Variants in PSAT1 observed in about 807,000 individuals in gnomAD.
The protein encoded by PSAT1 is phosphoserine aminotransferase 1.
PSAT1 carries 41 observed loss-of-function variants against 40.3 expected under a neutral mutation model. That is an observed-to-expected ratio of 1.02 (90% CI 0.79 to 1.32). The LOEUF is 1.32. PSAT1 is among the 40% of genes most tolerant of loss of function. The pLI, the probability that PSAT1 is intolerant of heterozygous loss-of-function variation, is 0.00. For missense variants in PSAT1, 406 were observed against 455.8 expected (o/e 0.89, Z 0.99); for synonymous variants, 147 against 170.5 (o/e 0.86, Z 1.07).
At chr9:78,301,766 A>G (rs1828110587) in intron 2 of PSAT1, among the ~76,000 whole-genome samples, 188 bp from the exon 3 acceptor site, 2 of 152,252 alleles carry the variant, frequency 1.3e-5, no homozygotes, top group Non-Finnish European at 2.9e-5. Flanking sequence ...CTATAAAGCT[A>G]AAATGTTTGC....
chr9:78,305,273 C>T (rs1175736099), intron 4 of PSAT1, among the ~76,000 whole-genome samples: 1 of 152,174 alleles, frequency 6.6e-6, no homozygotes, highest in African/African-American at 2.4e-5. Flanking sequence ...GGCCACCACG[C>T]CTGGCTAATT....
intron 1 of PSAT1, among the ~76,000 whole-genome samples, chr9:78,298,093 C>A (rs1267151398): frequency 6.6e-6 from 1 of 152,042 alleles, no homozygotes; most frequent in East Asian, 1.9e-4. Context: ...TGAATTCTCT[C>A]CCGGGCCACA....
rs533821815 is a variant in PSAT1, at chr9:78,307,340, A to C, written c.570+854A>C. Among the ~76,000 whole-genome samples the C allele has an allele frequency of 2.0e-5, 3 of 152,318 alleles. No homozygotes were observed. The South Asian group carries it at 6.2e-4, about 32-fold the overall frequency. Reference sequence around the variant, plus strand: ...TATTGCACTTAGCAGAATGTCTTCAAGGTTCTATTGCACTTAGCAGAATGT... The same window carrying C: ...TATTGCACTTAGCAGAATGTCTTCACGGTTCTATTGCACTTAGCAGAATGT... On this transcript the variant is annotated intron_variant, in intron 5 of 8. Transcript: ENST00000376588.
intron 6 of PSAT1, among the ~76,000 whole-genome samples, chr9:78,311,834 CA>C (rs1180902471): frequency 4.2e-4 from 64 of 150,892 alleles, no homozygotes; most frequent in Non-Finnish European, 5.3e-4. Flanking sequence ...TGTCTGAAAA[CA>C]AAAACAAAAA....
In PSAT1 at chr9:78,297,159, C is replaced by A. The variant is rs1828036747; in HGVS notation, c.-52C>A. ...CACCGCAGCGGCCAGGAACGCCAGC[C>A]GTTCACGCGTTCGGTCCTCCTTGGC... On this transcript the variant is annotated 5_prime_UTR_variant, in exon 1 of 9. Coordinates refer to ENST00000376588, the MANE Select transcript of PSAT1 (RefSeq NM_058179.4). The A allele has an allele frequency of 6.5e-7, 1 of 1,541,088 alleles. No homozygotes were observed. The highest frequency in any genetic ancestry group is 1.4e-5 in the African/African-American group (1 of 73,524).
chr9:78,308,216 G>A lies in PSAT1; in HGVS notation c.571-198G>A, dbSNP rs866409756. On this transcript the variant is annotated intron_variant, in intron 5 of 8. Coordinates refer to ENST00000376588, the MANE Select transcript of PSAT1 (RefSeq NM_058179.4). Reference sequence around the variant, plus strand: ...CCATCCAGGTGAGGACCAGGCTGACGGATCATCCTCAGGCTTTGGAACTCT... The same window carrying A: ...CCATCCAGGTGAGGACCAGGCTGACAGATCATCCTCAGGCTTTGGAACTCT... Among the ~76,000 whole-genome samples the A allele has an allele frequency of 1.1e-4, 17 of 152,226 alleles. 2 individuals are homozygous for A. In the South Asian group the frequency reaches 1.9e-3, roughly 17 times the overall value.
intron 7 of PSAT1, among the ~76,000 whole-genome samples, chr9:78,322,349 C>A (rs1828440134): frequency 6.6e-6 from 1 of 151,998 alleles, no homozygotes. Flanking sequence ...GTCATCACAA[C>A]CCTGTGAAGT....
At chr9:78,310,232 C>T (rs551088677) in intron 6 of PSAT1, among the ~76,000 whole-genome samples, 4 of 152,260 alleles carry the variant, frequency 2.6e-5, no homozygotes, top group Admixed American at 6.5e-5. Context: ...GATCATGATT[C>T]CCATTTTGCA....
chr9:78,299,271 G>C (rs944515), intron 1 of PSAT1, among the ~76,000 whole-genome samples: 103,577 of 150,012 alleles, frequency 0.69, 35,649 homozygotes, highest in Admixed American at 0.73. Context: ...CTTTAAAACT[G>C]TTTGTAATTA....
At position 78,302,037 on chromosome 9, in the gene PSAT1, A is replaced by T; in HGVS notation, c.191+14A>T. The T allele has an allele frequency of 6.3e-7, 1 of 1,575,572 alleles. No individual in the cohort carries two copies. The highest frequency in any genetic ancestry group is 2.2e-5 in the East Asian group (1 of 44,614). On this transcript the variant is annotated intron_variant, in intron 3 of 8. Coordinates refer to ENST00000376588, the MANE Select transcript of PSAT1 (RefSeq NM_058179.4). ...GCGGGAATTGCTGTAAGTTTTAAAA[A>T]GACCAAATCATGTTACTTTTGTTAG...
At chr9:78,327,060 A>G (rs1392019325) in intron 7 of PSAT1, among the ~76,000 whole-genome samples, 2 of 148,880 alleles carry the variant, frequency 1.3e-5, no homozygotes, top group African/African-American at 2.5e-5. Flanking sequence ...AGTTCAAGCA[A>G]TTCTCCTGCC....
chr9:78,310,789 G>T (rs924079169), intron 6 of PSAT1, among the ~76,000 whole-genome samples: 3 of 152,092 alleles, frequency 2.0e-5, no homozygotes, highest in Non-Finnish European at 4.4e-5. Context: ...CGTATTTTTA[G>T]TAGAGACGGG....
chr9:78,322,853 T>G (rs1417394356), intron 7 of PSAT1, among the ~76,000 whole-genome samples: 1 of 152,166 alleles, frequency 6.6e-6, no homozygotes, highest in African/African-American at 2.4e-5. Flanking sequence ...TTCATCTGCA[T>G]ACATTAAAAG....
rs1406396943 is a variant in PSAT1, at chr9:78,317,789, C to A, written c.854C>A (p.Ser285Tyr). The part of the protein sequence containing the change: ...SQTIYEIIDN[S>Y]QGFYVCPVEP... Reference sequence around the variant, plus strand: ...ACAATTTATGAGATTATTGATAATTCTCAAGGATTCTACGTGTAAGTCAAT... The same window carrying A: ...ACAATTTATGAGATTATTGATAATTATCAAGGATTCTACGTGTAAGTCAAT... Residue 285 changes from serine to tyrosine, a missense_variant, in exon 7 of 9, where the codon TCT (serine) becomes TAT (tyrosine). Transcript: ENST00000376588. 6.2e-7 allele frequency: 1 copy of A among 1,612,862 alleles called. No homozygotes were observed. Among genetic ancestry groups the A allele is most frequent in the South Asian group, 1.1e-5 (1 of 91,014 alleles).
intron 1 of PSAT1, among the ~76,000 whole-genome samples, chr9:78,297,612 G>A (rs1828045679): frequency 6.6e-6 from 1 of 152,220 alleles, no homozygotes; most frequent in Non-Finnish European, 1.5e-5. Context: ...CGGTCCGGGG[G>A]CTGGGGCGGG....
chr9:78,300,210 C>A (rs572291560), intron 1 of PSAT1, among the ~76,000 whole-genome samples: 1 of 152,124 alleles, frequency 6.6e-6, no homozygotes, highest in Admixed American at 6.6e-5. Flanking sequence ...CAAAAGAGAT[C>A]GGAAAATTGA....
At chr9:78,314,601 G>A (rs1204004127) in intron 6 of PSAT1, among the ~76,000 whole-genome samples, 1 of 152,180 alleles carries the variant, frequency 6.6e-6, no homozygotes, top group African/African-American at 2.4e-5. Flanking sequence ...TCTGCCTCTT[G>A]TTTAGGCTTC....
At chr9:78,312,664 C>A (rs1828285017) in intron 6 of PSAT1, among the ~76,000 whole-genome samples, 1 of 151,996 alleles carries the variant, frequency 6.6e-6, no homozygotes, top group Admixed American at 6.6e-5. Flanking sequence ...CCATTGCACT[C>A]CAGCCTGGGC....
rs1188624212 is a variant in PSAT1 at position 78,302,031 on chromosome 9, T to C, written c.191+8T>C. On this transcript the variant is annotated splice_region_variant and intron_variant, in intron 3 of 8. Transcript: ENST00000376588. ...TCTTGTGCGGGAATTGCTGTAAGTT[T>C]TAAAAAGACCAAATCATGTTACTTT... 4.4e-6 allele frequency: 7 copies of C among 1,593,562 alleles called. No homozygotes were observed. Among genetic ancestry groups the C allele is most frequent in the African/African-American group, 1.3e-5 (1 of 74,456 alleles).
Sources: gnomAD v4.1 joint callset for allele counts (sites outside exome capture counted in the v4.1 genomes callset) on GRCh38, gnomAD v4.1.1 for gene constraint, MANE v1.5 for transcripts, NCBI Gene and HGNC (gene_info 2026-07-23, HGNC 2026-07-21) for gene names.